PLXDC2: variants seen among roughly 807,000 people sequenced by gnomAD.
PLXDC2 encodes the protein plexin domain containing 2.
Under a neutral mutation model 68.9 loss-of-function variants are expected in PLXDC2, and 40 were observed. The ratio of observed to expected loss-of-function variants is 0.58; its 90% CI spans 0.45 to 0.76. The LOEUF is 0.76. PLXDC2 is among the 30% of genes least tolerant of loss of function. PLXDC2 has a pLI of 0.00. For missense variants in PLXDC2, 644 were observed against 661.9 expected, an observed-to-expected ratio of 0.97 and a Z score of 0.30; for synonymous variants, 243 against 234.2, an observed-to-expected ratio of 1.04 and a Z score of -0.34.
At chr10:20,148,997 TG>T (rs1834114910) in intron 6 of PLXDC2, among the ~76,000 whole-genome samples, 1 of 152,106 alleles carries the variant, frequency 6.6e-6, no homozygotes, top group Non-Finnish European at 1.5e-5. Context: ...TTCATTTACT[TG>T]GGGGCAATTG....
intron 1 of PLXDC2, among the ~76,000 whole-genome samples, chr10:19,969,100 T>C (rs185652606): frequency 6.9e-4 from 105 of 152,362 alleles, no homozygotes; most frequent in African/African-American, 2.3e-3. Flanking sequence ...TTGATTCTCT[T>C]CTACTTTTTT....
intron 12 of PLXDC2, among the ~76,000 whole-genome samples, chr10:20,234,116 C>G (rs1259901370): frequency 6.6e-6 from 1 of 152,056 alleles, no homozygotes; most frequent in Non-Finnish European, 1.5e-5. Flanking sequence ...TGTGAGCCAC[C>G]GTGCCCGGCC....
At chr10:20,082,954 T>C (rs548678726) in intron 4 of PLXDC2, among the ~76,000 whole-genome samples, 64 of 152,124 alleles carry the variant, frequency 4.2e-4, no homozygotes, top group African/African-American at 1.3e-3. Context: ...CATATATGTA[T>C]GTATGTATGT....
At chr10:19,875,673 A>G (rs942001290) in intron 1 of PLXDC2, among the ~76,000 whole-genome samples, 1 of 152,192 alleles carries the variant, frequency 6.6e-6, no homozygotes, top group Non-Finnish European at 1.5e-5. Context: ...TAGAGTTCTT[A>G]TTGTGAATTT....
rs931035789 is a variant in PLXDC2, at chr10:20,285,229, T to C, written c.*5410T>C. 6.6e-6 allele frequency: 1 copy of C among 151,942 alleles called. No individual in the cohort carries two copies. The highest frequency in any genetic ancestry group is 1.5e-5 in the Non-Finnish European group (1 of 68,048). 9.4% of individuals were successfully genotyped at this position (151,942 alleles called of 1,614,324 possible). ...CCTTTTATATACTCCTATTACCTTA[T>C]GTTTGTGAAGCATTTTACATTTTAC... On this transcript the variant is annotated 3_prime_UTR_variant, in exon 14 of 14. Transcript: ENST00000377252.
chr10:20,006,551 C>T (rs550057223), intron 2 of PLXDC2, among the ~76,000 whole-genome samples: 1 of 152,070 alleles, frequency 6.6e-6, no homozygotes, highest in South Asian at 2.1e-4. Context: ...TTCATTGTCT[C>T]GACTTTATGT....
At chr10:20,000,045 G>A (rs1401281300) in intron 1 of PLXDC2, among the ~76,000 whole-genome samples, 2 of 152,136 alleles carry the variant, frequency 1.3e-5, no homozygotes, top group African/African-American at 2.4e-5. Flanking sequence ...TGCCTGGTCC[G>A]ATGATGCTTG....
At chr10:20,197,665 A>G (rs1834858217) in intron 9 of PLXDC2, among the ~76,000 whole-genome samples, 1 of 147,366 alleles carries the variant, frequency 6.8e-6, no homozygotes, top group Admixed American at 6.8e-5. Flanking sequence ...CTTTATTTTT[A>G]TTTTTTTTCT....
intron 1 of PLXDC2, among the ~76,000 whole-genome samples, chr10:19,876,369 C>T (rs1200926789): frequency 6.6e-6 from 1 of 152,046 alleles, no homozygotes; most frequent in Non-Finnish European, 1.5e-5. Context: ...TTTGGTTTCT[C>T]AACCCACATT....
intron 2 of PLXDC2, among the ~76,000 whole-genome samples, chr10:20,012,478 G>A (rs1427777853): frequency 6.7e-6 from 1 of 148,772 alleles, no homozygotes; most frequent in African/African-American, 2.5e-5. Flanking sequence ...ACCACGCCCA[G>A]CTTTTTTTTT....
intron 1 of PLXDC2, among the ~76,000 whole-genome samples, chr10:19,835,220 C>T (rs574298935): frequency 9.9e-5 from 15 of 152,180 alleles, no homozygotes; most frequent in African/African-American, 3.1e-4. Flanking sequence ...CTTGAGCCAC[C>T]GCACCCAGAC....
At chr10:20,072,002 G>T (rs1836324226) in intron 4 of PLXDC2, among the ~76,000 whole-genome samples, 1 of 152,132 alleles carries the variant, frequency 6.6e-6, no homozygotes, top group Non-Finnish European at 1.5e-5. Flanking sequence ...GAGAGGGTTG[G>T]AATGAGTCTA....
At chr10:20,124,520 C>T (rs1003744146) in intron 4 of PLXDC2, among the ~76,000 whole-genome samples, 1 of 152,118 alleles carries the variant, frequency 6.6e-6, no homozygotes, top group African/African-American at 2.4e-5. Flanking sequence ...CAATCCAAGT[C>T]ACGGCACCAA....
intron 1 of PLXDC2, among the ~76,000 whole-genome samples, chr10:19,942,254 A>G (rs1833832228): frequency 6.6e-6 from 1 of 152,236 alleles, no homozygotes; most frequent in South Asian, 2.1e-4. Flanking sequence ...GTTGACTACC[A>G]TATAGTGTGC....
chr10:19,930,168 A>C (rs1833602520), intron 1 of PLXDC2, among the ~76,000 whole-genome samples: 1 of 152,074 alleles, frequency 6.6e-6, no homozygotes, highest in African/African-American at 2.4e-5. Context: ...TACTCTTCTT[A>C]GGCCCAAATT....
chr10:19,883,058 G>A (rs112466108), intron 1 of PLXDC2, among the ~76,000 whole-genome samples: 25,659 of 149,842 alleles, frequency 0.17, 2,448 homozygotes, highest in South Asian at 0.22. Flanking sequence ...CCGGGTTCAC[G>A]CCGTTCTCCT....
chr10:20,000,848 G>A lies in PLXDC2; in HGVS notation c.113-927G>A, dbSNP rs565130507. Among the ~76,000 whole-genome samples, 15 of 152,224 alleles carry A rather than the reference G, an allele frequency of 9.9e-5. 1 individual carries two copies. The highest frequency in any genetic ancestry group is 2.4e-4 in the African/African-American group (10 of 41,536). On this transcript the variant is annotated intron_variant, in intron 1 of 13. Transcript: ENST00000377252. Reference sequence around the variant, plus strand: ...CCATATCTTGCCAGTTCTAAAACCCGTCCATTCATATCTTTTACTAATAGT... The same window carrying A: ...CCATATCTTGCCAGTTCTAAAACCCATCCATTCATATCTTTTACTAATAGT...
At position 20,231,547 on chromosome 10, in the gene PLXDC2, A is replaced by G. The variant is rs534291274; in HGVS notation, c.1312+12445A>G. Among the ~76,000 whole-genome samples the G allele has an allele frequency of 1.4e-4, 22 of 151,880 alleles. No homozygotes were observed. In the South Asian group the frequency reaches 3.5e-3, roughly 24 times the overall value. On this transcript the variant is annotated intron_variant, in intron 12 of 13. Transcript: ENST00000377252. Reference sequence around the variant, plus strand: ...TCTCAAAATAATTGTGCCTAAAATTACAATTTTATTAAAAATATTAATTTT... The same window carrying G: ...TCTCAAAATAATTGTGCCTAAAATTGCAATTTTATTAAAAATATTAATTTT...
intron 9 of PLXDC2, among the ~76,000 whole-genome samples, chr10:20,208,713 A>G (rs1835026662): frequency 6.6e-6 from 1 of 152,160 alleles, no homozygotes; most frequent in South Asian, 2.1e-4. Context: ...AGACATAAGT[A>G]TCGGGGGAAA....
Sources: allele counts gnomAD v4.1 joint callset (sites outside exome capture counted in the v4.1 genomes callset), GRCh38; gene constraint gnomAD v4.1.1; transcripts MANE v1.5; gene names NCBI Gene and HGNC (gene_info 2026-07-23, HGNC 2026-07-21).